TWIST2: variants seen among roughly 807,000 people sequenced by gnomAD.
TWIST2 encodes twist family bHLH transcription factor 2, also known as twist-related protein 2.
Under a neutral mutation model 11.6 loss-of-function variants are expected in TWIST2, and 1 was observed. The ratio of observed to expected loss-of-function variants is 0.09; its 90% CI spans 0.03 to 0.41. The LOEUF (loss-of-function observed/expected upper bound fraction) is 0.41, where lower values mean the gene tolerates loss of function less well. TWIST2 is among the 10% of genes least tolerant of loss of function. The pLI, the probability that TWIST2 is intolerant of heterozygous loss-of-function variation, is 0.98. For missense variants in TWIST2, 168 were observed against 226.4 expected (o/e 0.74, Z 1.66); for synonymous variants, 87 against 96.6 (o/e 0.90, Z 0.58).
chr2:238,860,046 A>G (rs1692404124), intron 1 of TWIST2, among the ~76,000 whole-genome samples: 1 of 152,188 alleles, frequency 6.6e-6, no homozygotes, highest in South Asian at 2.1e-4. Flanking sequence ...ATGGGAAGAC[A>G]CACAAGGGTG....
At chr2:238,874,045 C>T (rs1427340171) in intron 1 of TWIST2, among the ~76,000 whole-genome samples, 1 of 152,098 alleles carries the variant, frequency 6.6e-6, no homozygotes, top group African/African-American at 2.4e-5. Flanking sequence ...GAGTTAGCAG[C>T]CTGTTTGGAA....
rs1330081640 is a variant in TWIST2 at position 238,848,412 on chromosome 2, G to A, written c.197G>A (p.Ser66Asn). The change falls in exon 1 of 2, where the codon AGC (serine) becomes AAC (asparagine). Residue 66 changes from serine (S) to asparagine (N), a missense_variant. This residue lies in a region of TWIST2 where 83 missense variants were observed against 92.7 expected (regional missense o/e 0.90). Coordinates refer to ENST00000612363, the MANE Select transcript of TWIST2 (RefSeq NM_001271893.4). The part of the protein sequence containing the change: ...PSAQSFEELQ[S>N]QRILANVRER... Reference sequence around the variant, plus strand: ...GCGCAGTCCTTCGAGGAGCTGCAGAGCCAGCGCATCCTGGCCAACGTGCGC... The same window carrying A: ...GCGCAGTCCTTCGAGGAGCTGCAGAACCAGCGCATCCTGGCCAACGTGCGC... 2.4e-5 allele frequency: 37 copies of A among 1,538,532 alleles called. No homozygotes were observed. The highest frequency in any genetic ancestry group is 4.9e-5 in the East Asian group (2 of 40,936).
intron 1 of TWIST2, among the ~76,000 whole-genome samples, chr2:238,900,820 G>C (rs1294299904): frequency 6.6e-6 from 1 of 152,134 alleles, no homozygotes; most frequent in Non-Finnish European, 1.5e-5. Flanking sequence ...ATTTCTTCGT[G>C]ATTCAGCTGG....
intron 1 of TWIST2, among the ~76,000 whole-genome samples, chr2:238,899,138 C>T (rs1477473668): frequency 2.0e-5 from 3 of 152,274 alleles, no homozygotes; most frequent in Admixed American, 6.5e-5. Flanking sequence ...GCCTGCCAAG[C>T]CATGTGACCG....
At chr2:238,875,668 C>T (rs923485671) in intron 1 of TWIST2, among the ~76,000 whole-genome samples, 8 of 152,120 alleles carry the variant, frequency 5.3e-5, no homozygotes, top group Admixed American at 3.3e-4. Flanking sequence ...GCTCCCTGAC[C>T]GGGGTCACGG....
At chr2:238,857,553 G>A (rs1466902036) in intron 1 of TWIST2, among the ~76,000 whole-genome samples, 2 of 151,996 alleles carry the variant, frequency 1.3e-5, no homozygotes, top group East Asian at 3.9e-4. Flanking sequence ...GACCAGCCCT[G>A]TCTTTGCTGA....
At position 238,867,039 on chromosome 2, in the gene TWIST2, A is replaced by G. The variant is rs1471662465; in HGVS notation, c.*35+18306A>G. Among the ~76,000 whole-genome samples the G allele has an allele frequency of 1.3e-5, 2 of 152,066 alleles. No homozygotes were observed. On this transcript the variant is annotated intron_variant, in intron 1 of 1. Coordinates refer to ENST00000612363, the MANE Select transcript of TWIST2 (RefSeq NM_001271893.4). This position sits in a 1 kb window ranked among gnomAD's most constrained non-coding sequence, Gnocchi z 4.8. ...GTTTTCTGTGCATCTGTGATTTACA[A>G]TTCCCTGGCTGCCTTCCAAGCAGAA...
chr2:238,883,455 AG>A (rs1215312721), intron 1 of TWIST2, among the ~76,000 whole-genome samples: 1 of 152,172 alleles, frequency 6.6e-6, no homozygotes, highest in Non-Finnish European at 1.5e-5. Flanking sequence ...GACATTAAAC[AG>A]GAAAAATAAG....
intron 1 of TWIST2, among the ~76,000 whole-genome samples, chr2:238,884,554 T>A (rs1367873830): frequency 6.6e-6 from 1 of 152,168 alleles, no homozygotes; most frequent in Non-Finnish European, 1.5e-5. Flanking sequence ...TTCAAGGGTG[T>A]GGTTGCCACC....
At chr2:238,849,676 A>C (rs1340230550) in intron 1 of TWIST2, among the ~76,000 whole-genome samples, 2 of 152,202 alleles carry the variant, frequency 1.3e-5, no homozygotes, top group Non-Finnish European at 2.9e-5. Context: ...CTCGGGGGAC[A>C]CAGCTGCCAG....
chr2:238,885,569 C>A (rs1693019485), intron 1 of TWIST2, among the ~76,000 whole-genome samples: 2 of 152,064 alleles, frequency 1.3e-5, no homozygotes, highest in African/African-American at 4.8e-5. Context: ...TGCCTGTGAG[C>A]AGAGCAGGAG....
chr2:238,901,574 C>T (rs964096192), intron 1 of TWIST2, among the ~76,000 whole-genome samples: 1 of 152,138 alleles, frequency 6.6e-6, no homozygotes, highest in South Asian at 2.1e-4. Context: ...TGGGGTATCT[C>T]CTTGTCTGTT....
chr2:238,852,105 GC>G (rs1692251159), intron 1 of TWIST2, among the ~76,000 whole-genome samples: 1 of 151,996 alleles, frequency 6.6e-6, no homozygotes, highest in Non-Finnish European at 1.5e-5. Flanking sequence ...CGGCACAGAT[GC>G]CGGATTCCTT....
At chr2:238,857,093 C>T (rs1692345505) in intron 1 of TWIST2, among the ~76,000 whole-genome samples, 1 of 152,144 alleles carries the variant, frequency 6.6e-6, no homozygotes, top group Admixed American at 6.5e-5. Flanking sequence ...GGTCAAGGAC[C>T]ACTGGAGGGA....
chr2:238,860,289 T>C (rs1692408567), intron 1 of TWIST2, among the ~76,000 whole-genome samples: 1 of 152,142 alleles, frequency 6.6e-6, no homozygotes, highest in African/African-American at 2.4e-5. Flanking sequence ...TCAGCACCAG[T>C]TGTGTGTTTT....
intron 1 of TWIST2, among the ~76,000 whole-genome samples, chr2:238,853,626 G>A (rs1042572543): frequency 6.6e-6 from 1 of 152,188 alleles, no homozygotes; most frequent in African/African-American, 2.4e-5. Context: ...TGGAAATGAG[G>A]GCGGTAGCAT....
At chr2:238,875,467 G>C (rs966094327) in intron 1 of TWIST2, among the ~76,000 whole-genome samples, 1 of 152,158 alleles carries the variant, frequency 6.6e-6, no homozygotes, top group Non-Finnish European at 1.5e-5. Context: ...AAATTTAGAA[G>C]TCCATGTGAT....
chr2:238,861,245 G>A (rs761504331), intron 1 of TWIST2, among the ~76,000 whole-genome samples: 2 of 152,196 alleles, frequency 1.3e-5, no homozygotes, highest in Non-Finnish European at 2.9e-5. Flanking sequence ...CTGCCGAGGC[G>A]CAGAGCCCAG....
intron 1 of TWIST2, among the ~76,000 whole-genome samples, chr2:238,900,865 G>A (rs1693260943): frequency 6.6e-6 from 1 of 152,052 alleles, no homozygotes; most frequent in East Asian, 1.9e-4. Context: ...CCTGGAACTT[G>A]GTGTTCCCTT....
Sources: gnomAD v4.1 joint callset for allele counts (sites outside exome capture counted in the v4.1 genomes callset) on GRCh38, gnomAD v4.1.1 for gene constraint, gnomAD v4.1.1 regional missense constraint, Gnocchi (gnomAD v3.1) non-coding constraint, MANE v1.5 for transcripts, NCBI Gene and HGNC (gene_info 2026-07-23, HGNC 2026-07-21) for gene names.